The following RBFOX1 variants were observed in gnomAD, a reference collection of about 807,000 sequenced individuals.
RBFOX1 encodes RNA binding fox-1 homolog 1, also known as RNA binding protein fox-1 homolog 1.
RBFOX1 carries 8 observed loss-of-function variants against 57.7 expected under a neutral mutation model. The ratio of observed to expected loss-of-function variants is 0.14; its 90% CI spans 0.08 to 0.25. RBFOX1 has a LOEUF of 0.25. Among genes scored for constraint, RBFOX1 ranks in the 10% least tolerant of loss-of-function variants. The pLI, the probability that RBFOX1 is intolerant of heterozygous loss-of-function variation, is 1.00. For synonymous variants in RBFOX1, 326 were observed against 222.4 expected (o/e 1.47, Z -4.15); for missense variants, 611 against 548.5 (o/e 1.11, Z -1.14).
intron 3 of RBFOX1, among the ~76,000 whole-genome samples, chr16:6,842,097 C>T (rs1005228195): frequency 1.3e-4 from 19 of 151,176 alleles, no homozygotes; most frequent in African/African-American, 3.4e-4. Flanking sequence ...GAGCGGAGAT[C>T]GCGCCACTGC....
At chr16:6,338,969 C>T (rs894386882) in intron 2 of RBFOX1, among the ~76,000 whole-genome samples, 2 of 152,086 alleles carry the variant, frequency 1.3e-5, no homozygotes. Flanking sequence ...AGGAGACTGG[C>T]ATGATTACAG....
intron 3 of RBFOX1, among the ~76,000 whole-genome samples, chr16:5,813,132 C>T (rs1324669848): frequency 1.3e-5 from 2 of 152,022 alleles, no homozygotes; most frequent in African/African-American, 2.4e-5. Context: ...CTCAGCCTCC[C>T]GAGTAGCTGG....
intron 3 of RBFOX1, among the ~76,000 whole-genome samples, chr16:5,678,159 C>T (rs1177674785): frequency 6.6e-6 from 1 of 152,178 alleles, no homozygotes; most frequent in Non-Finnish European, 1.5e-5. Flanking sequence ...TTTGGTGCAG[C>T]CTGATGCTTC....
chr16:5,454,750 T>TTTTC (rs1490464439), intron 1 of RBFOX1, among the ~76,000 whole-genome samples: 8 of 131,502 alleles, frequency 6.1e-5, no homozygotes, highest in African/African-American at 2.6e-4. Context: ...TTTCTTTTTC[T>TTTTC]TTTCTTTTCT....
chr16:6,741,756 T>C (rs1041385892), intron 3 of RBFOX1, among the ~76,000 whole-genome samples: 2 of 152,084 alleles, frequency 1.3e-5, no homozygotes, highest in African/African-American at 4.8e-5. Flanking sequence ...AGAAAATACT[T>C]GCAAATTTCA....
At chr16:5,424,971 TTTC>T (rs1172945528) in intron 1 of RBFOX1, among the ~76,000 whole-genome samples, 31 of 50,260 alleles carry the variant, frequency 6.2e-4, no homozygotes, top group Non-Finnish European at 1.0e-3. Flanking sequence ...TTTCTCTTTC[TTTC>T]TTTCTTTTCT....
intron 4 of RBFOX1, among the ~76,000 whole-genome samples, chr16:5,906,361 A>G (rs2152196305): frequency 6.6e-6 from 1 of 152,356 alleles, no homozygotes; most frequent in Non-Finnish European, 1.5e-5. Flanking sequence ...AAATAAAAGC[A>G]GAGATCAAGG....
chr16:6,673,817 G>A (rs992587960), intron 3 of RBFOX1, among the ~76,000 whole-genome samples: 4 of 152,154 alleles, frequency 2.6e-5, no homozygotes, highest in African/African-American at 9.6e-5. Context: ...TTTCTGGACA[G>A]AGAATGATAG....
intron 2 of RBFOX1, among the ~76,000 whole-genome samples, chr16:6,450,584 G>A (rs773281342): frequency 8.0e-5 from 12 of 149,916 alleles, no homozygotes; most frequent in Non-Finnish European, 1.6e-4. Flanking sequence ...TTCATTCCTG[G>A]CTTCAGTATG....
intron 1 of RBFOX1, among the ~76,000 whole-genome samples, chr16:6,197,163 T>C (rs1317615591): frequency 6.6e-6 from 1 of 152,192 alleles, no homozygotes; most frequent in Non-Finnish European, 1.5e-5. Flanking sequence ...CCAGAGGCTG[T>C]GGATACTATG....
chr16:5,335,171 C>A (rs752166946), intron 1 of RBFOX1, among the ~76,000 whole-genome samples: 2 of 150,084 alleles, frequency 1.3e-5, no homozygotes, highest in African/African-American at 4.9e-5. Context: ...TCCGAATTGC[C>A]AGTTCACCTC....
chr16:6,475,944 T>A lies in RBFOX1; in HGVS notation c.-64+158887T>A, dbSNP rs116841183. Among the ~76,000 whole-genome samples the A allele has an allele frequency of 3.3e-4, 50 of 152,322 alleles. No individual in the cohort carries two copies. The East Asian group carries it at 9.6e-3, about 29-fold the overall frequency. ...GTGCATTGAGGCTTAACGTCTTTTT[T>A]TCCCCCTATGAAGAAGCAATTAGAT... is the stretch of plus-strand genomic sequence containing the variant. On this transcript the variant is annotated intron_variant, in intron 2 of 15. Transcript: ENST00000550418.
At chr16:6,287,868 A>T (rs1469212612) in intron 1 of RBFOX1, among the ~76,000 whole-genome samples, 3 of 152,148 alleles carry the variant, frequency 2.0e-5, no homozygotes, top group African/African-American at 4.8e-5. Flanking sequence ...TACTGGTAGA[A>T]CTTCACATCT....
intron 4 of RBFOX1, among the ~76,000 whole-genome samples, chr16:7,077,151 G>A (rs1199304214): frequency 2.6e-5 from 4 of 152,080 alleles, no homozygotes; most frequent in Non-Finnish European, 4.4e-5. Context: ...TAGCTCTGGG[G>A]GAATTATTCC....
At chr16:6,259,833 C>T (rs915012612) in intron 1 of RBFOX1, among the ~76,000 whole-genome samples, 1 of 151,784 alleles carries the variant, frequency 6.6e-6, no homozygotes, top group Admixed American at 6.6e-5. Flanking sequence ...TGGTGGTGCA[C>T]ACCTGTAGTC....
At chr16:5,915,878 C>T (rs1042862328) in intron 4 of RBFOX1, among the ~76,000 whole-genome samples, 13 of 152,104 alleles carry the variant, frequency 8.5e-5, no homozygotes, top group African/African-American at 2.9e-4. Context: ...ACATTACCAT[C>T]ATAAGCCTTA....
At chr16:7,390,228 C>A (rs1205555206) in intron 4 of RBFOX1, among the ~76,000 whole-genome samples, 1 of 152,188 alleles carries the variant, frequency 6.6e-6, no homozygotes, top group Non-Finnish European at 1.5e-5. Context: ...TCCTCCAACA[C>A]TGAGAACTAC....
rs532150250 is a variant in RBFOX1, at chr16:5,654,982, A to T, written c.318+56021A>T. On this transcript the variant is annotated intron_variant, in intron 3 of 19. Coordinates refer to the RBFOX1 transcript ENST00000641259. ...AGTAGAGGCTCTCCTGCTTTGGATT[A>T]TACGTTGCATTGCCTTGCACACTGG... Among the ~76,000 whole-genome samples, 12 of 152,204 alleles carry T rather than the reference A, an allele frequency of 7.9e-5. No homozygotes were observed. In the South Asian group the frequency reaches 2.5e-3, roughly 32 times the overall value.
chr16:6,947,729 C>G (rs989933231), intron 3 of RBFOX1, among the ~76,000 whole-genome samples: 10 of 152,182 alleles, frequency 6.6e-5, no homozygotes, highest in East Asian at 1.9e-4. Flanking sequence ...TAAACGTTTA[C>G]TTAGGTGGCT....
Sources: allele counts gnomAD v4.1 joint callset (sites outside exome capture counted in the v4.1 genomes callset), GRCh38; gene constraint gnomAD v4.1.1; transcripts MANE v1.5; gene names NCBI Gene and HGNC (gene_info 2026-07-23, HGNC 2026-07-21).